RAP1GAP2: variants seen among roughly 807,000 people sequenced by gnomAD.
RAP1GAP2 encodes the protein RAP1 GTPase activating protein 2.
A neutral mutation model predicts 95.0 loss-of-function variants in RAP1GAP2; 27 were observed. The ratio of observed to expected loss-of-function variants is 0.28; its 90% confidence interval spans 0.21 to 0.39. RAP1GAP2 has a LOEUF of 0.39. RAP1GAP2 is among the 10% of genes least tolerant of loss of function. RAP1GAP2 has a pLI of 1.00. For missense variants in RAP1GAP2, 771 were observed against 970.0 expected (o/e 0.79, Z 2.72); for synonymous variants, 373 against 380.9 (o/e 0.98, Z 0.24).
At position 2,963,331 on chromosome 17, in the gene RAP1GAP2, C is replaced by T. The variant is rs910406104; in HGVS notation, c.247-99C>T. 7 of 1,336,740 alleles carry T rather than the reference C, an allele frequency of 5.2e-6. No individual in the cohort carries two copies. Among genetic ancestry groups the T allele is most frequent in the African/African-American group, 4.3e-5 (3 of 69,282 alleles). The allele number at this position is 1,336,740 out of a possible 1,614,324, so 82.8% of individuals were successfully genotyped here. On this transcript the variant is annotated intron_variant, in intron 5 of 24. Transcript: ENST00000254695. The surrounding 1 kb of genome is among the most constrained non-coding windows in gnomAD (Gnocchi z 4.8). Reference sequence around the variant, plus strand: ...CCATCGAATGTTCCTCCCTCAAAGCCCCCCCACAACATATCCCCCTTGCAA... The same window carrying T: ...CCATCGAATGTTCCTCCCTCAAAGCTCCCCCACAACATATCCCCCTTGCAA...
intron 2 of RAP1GAP2, among the ~76,000 whole-genome samples, chr17:2,815,487 T>TATA (rs2069970191): frequency 6.8e-6 from 1 of 148,128 alleles, no homozygotes; most frequent in Non-Finnish European, 1.5e-5. Flanking sequence ...TTATTATTAT[T>TATA]ATTATTATTA....
At chr17:2,931,625 G>GCT (rs2043160518) in intron 3 of RAP1GAP2, among the ~76,000 whole-genome samples, 1 of 152,218 alleles carries the variant, frequency 6.6e-6, no homozygotes, top group Non-Finnish European at 1.5e-5. Context: ...CCATGCGGTT[G>GCT]TTCATGTATA....
At chr17:2,976,245 A>G (rs1192510189) in intron 8 of RAP1GAP2, among the ~76,000 whole-genome samples, 1 of 152,236 alleles carries the variant, frequency 6.6e-6, no homozygotes, top group Non-Finnish European at 1.5e-5. Flanking sequence ...CTTGGCTAAC[A>G]TGTATTCTTG....
chr17:2,860,390 C>A (rs561042021), intron 2 of RAP1GAP2, among the ~76,000 whole-genome samples: 1 of 152,026 alleles, frequency 6.6e-6, no homozygotes, highest in African/African-American at 2.4e-5. Context: ...TTAGACCATT[C>A]GAGTTGAAGG....
At chr17:2,818,078 T>C (rs1245419449) in intron 2 of RAP1GAP2, among the ~76,000 whole-genome samples, 1 of 151,324 alleles carries the variant, frequency 6.6e-6, no homozygotes, top group South Asian at 2.1e-4. Context: ...CCTCGTGATC[T>C]GCCCTCCTCG....
intron 2 of RAP1GAP2, among the ~76,000 whole-genome samples, chr17:2,838,553 G>T (rs2071244575): frequency 6.6e-6 from 1 of 152,158 alleles, no homozygotes; most frequent in African/African-American, 2.4e-5. Context: ...TGTGTGGGGT[G>T]ATTCTTCCAC....
intron 2 of RAP1GAP2, among the ~76,000 whole-genome samples, chr17:2,850,192 G>C (rs988244577): frequency 2.0e-5 from 3 of 150,762 alleles, no homozygotes; most frequent in African/African-American, 7.3e-5. Flanking sequence ...AGTAGAGACG[G>C]GGTTTCACCA....
chr17:2,813,403 C>T (rs1196512702), intron 2 of RAP1GAP2, among the ~76,000 whole-genome samples: 1 of 152,110 alleles, frequency 6.6e-6, no homozygotes, highest in Non-Finnish European at 1.5e-5. Context: ...CCGTTCATTC[C>T]AATAGGCAGC....
chr17:2,863,912 C>T (rs918061474), intron 2 of RAP1GAP2, among the ~76,000 whole-genome samples: 10 of 151,996 alleles, frequency 6.6e-5, no homozygotes, highest in Non-Finnish European at 1.2e-4. Context: ...ATTAGCCAGG[C>T]GTGGTGGTGG....
chr17:2,915,227 C>T (rs964973211), intron 3 of RAP1GAP2, among the ~76,000 whole-genome samples: 1 of 152,060 alleles, frequency 6.6e-6, no homozygotes, highest in African/African-American at 2.4e-5. Context: ...TGGCCCATTT[C>T]TTTTCTTGTT....
At chr17:2,784,667 A>G (rs2151453368) in intron 1 of RAP1GAP2, among the ~76,000 whole-genome samples, 1 of 152,172 alleles carries the variant, frequency 6.6e-6, no homozygotes, top group East Asian at 1.9e-4. Flanking sequence ...GCCTACTCTC[A>G]TGTAGTCCAG....
At chr17:2,852,436 C>T (rs1323093345) in intron 2 of RAP1GAP2, among the ~76,000 whole-genome samples, 2 of 152,130 alleles carry the variant, frequency 1.3e-5, no homozygotes, top group Non-Finnish European at 1.5e-5. Flanking sequence ...CCCCTCCACC[C>T]CAACTCCAGT....
chr17:3,013,575 T>G (rs1480991557), intron 17 of RAP1GAP2, among the ~76,000 whole-genome samples: 1 of 151,400 alleles, frequency 6.6e-6, no homozygotes, highest in East Asian at 1.9e-4. Context: ...CAGGACTAAT[T>G]GAGGAGCCAG....
intron 8 of RAP1GAP2, among the ~76,000 whole-genome samples, chr17:2,976,475 C>A (rs2045126247): frequency 6.6e-6 from 1 of 151,948 alleles, no homozygotes; most frequent in Admixed American, 6.6e-5. Flanking sequence ...AAGAGGAAAT[C>A]ACAAAAGAAC....
chr17:2,946,984 A>G (rs1597689238), intron 3 of RAP1GAP2, among the ~76,000 whole-genome samples: 2 of 149,856 alleles, frequency 1.3e-5, no homozygotes, highest in Non-Finnish European at 3.0e-5. Flanking sequence ...TGAACGCCTG[A>G]CCCCAGGTGA....
chr17:2,920,448 G>C (rs1159189756), intron 3 of RAP1GAP2, among the ~76,000 whole-genome samples: 1 of 152,178 alleles, frequency 6.6e-6, no homozygotes, highest in Non-Finnish European at 1.5e-5. Flanking sequence ...TTAGCCCCTG[G>C]GTCTGTGACA....
At chr17:2,786,982 C>T (rs1350524614) in intron 1 of RAP1GAP2, among the ~76,000 whole-genome samples, 3 of 131,252 alleles carry the variant, frequency 2.3e-5, no homozygotes, top group African/African-American at 5.8e-5. Context: ...GATGGAGTCT[C>T]GCTCTGTCCC....
chr17:2,942,295 G>A (rs1311703036), intron 3 of RAP1GAP2, among the ~76,000 whole-genome samples: 1 of 152,016 alleles, frequency 6.6e-6, no homozygotes, highest in Non-Finnish European at 1.5e-5. Flanking sequence ...GGATACCTTG[G>A]GACTTCCTAC....
chr17:2,872,211 CT>C (rs1272178079), intron 2 of RAP1GAP2, among the ~76,000 whole-genome samples: 36 of 27,306 alleles, frequency 1.3e-3, no homozygotes, highest in Non-Finnish European at 2.8e-3. Context: ...GAGCCTCTGT[CT>C]CAAAAAAAAA....
Sources: allele counts gnomAD v4.1 joint callset (sites outside exome capture counted in the v4.1 genomes callset), GRCh38; gene constraint gnomAD v4.1.1; non-coding constraint Gnocchi (gnomAD v3.1); transcripts MANE v1.5; gene names NCBI Gene and HGNC (gene_info 2026-07-23, HGNC 2026-07-21).